The following BAALC variants were observed in gnomAD, a reference collection of about 807,000 sequenced individuals.
The protein encoded by BAALC is brain and acute leukemia cytoplasmic protein.
BAALC carries 9 observed loss-of-function variants against 15.5 expected under a neutral mutation model. The observed-to-expected ratio is 0.58, with a 90% CI of 0.35 to 1.02. The LOEUF is 1.02. BAALC is among the 50% of genes least tolerant of loss of function. The pLI, the probability that BAALC is intolerant of heterozygous loss-of-function variation, is 0.02. For synonymous variants in BAALC, 80 were observed against 74.6 expected (o/e 1.07, Z -0.37); for missense variants, 201 against 192.4 (o/e 1.04, Z -0.27).
chr8:103,189,934 CAGCTGGAGGTT>C (rs1392010770), intron 1 of BAALC, among the ~76,000 whole-genome samples: 2 of 152,130 alleles, frequency 1.3e-5, no homozygotes, highest in Non-Finnish European at 2.9e-5. Flanking sequence ...TCAAGGAGGC[CAGCTGGAGGTT>C]ACTGCAGTAA....
chr8:103,219,407 C>T (rs1481487270), intron 2 of BAALC: 1 of 152,472 alleles, frequency 6.6e-6, no homozygotes, highest in Non-Finnish European at 1.5e-5. Context: ...CATCCCAGCT[C>T]TGCACCACTA....
chr8:103,174,794 C>A (rs139098491), intron 1 of BAALC, among the ~76,000 whole-genome samples: 1 of 152,346 alleles, frequency 6.6e-6, no homozygotes, highest in African/African-American at 2.4e-5. Context: ...CCACATCTAG[C>A]TGCAAGGGAA....
Position 103,151,175 on chromosome 8 carries a change from G to A in BAALC, c.160+10118G>A, listed in dbSNP as rs535487863. On this transcript the variant is annotated intron_variant, in intron 1 of 2. Coordinates refer to ENST00000309982, the MANE Select transcript of BAALC (RefSeq NM_024812.3). The stretch of plus-strand genomic sequence containing the variant: ...TGGGACTTCAGGCACCTGCCACCAC[G>A]CCCGGCTAATTTTTTGTATTTTTAG... 3.9e-5 allele frequency among the ~76,000 whole-genome samples: 6 copies of A among 151,996 alleles called. No individual in the cohort carries two copies. The South Asian group carries it at 8.3e-4, about 21-fold the overall frequency.
intron 2 of BAALC, chr8:103,213,321 A>G: frequency 2.2e-6 from 1 of 445,298 alleles, no homozygotes. Context: ...AGCTTTATTC[A>G]AGGATCTTGT....
At position 103,201,856 on chromosome 8, in the gene BAALC, CAAAGG is replaced by C. The variant is rs1405908959; in HGVS notation, c.161-11058_161-11054del. 5.3e-5 allele frequency among the ~76,000 whole-genome samples: 8 copies of C among 152,062 alleles called. No homozygotes were observed. The East Asian group carries it at 1.2e-3, about 22-fold the overall frequency. On this transcript the variant is annotated intron_variant, in intron 1 of 2. Transcript: ENST00000309982. ...AATTAGCTGATTGAAAGACAAGTGA[CAAAGG>C]AAAGAATAAATCATCTGTGATGAGG...
intron 1 of BAALC, among the ~76,000 whole-genome samples, chr8:103,142,086 A>C (rs1481806462): frequency 6.6e-6 from 1 of 152,228 alleles, no homozygotes; most frequent in Non-Finnish European, 1.5e-5. Flanking sequence ...TATTATTGGC[A>C]TTTTTGAATA....
chr8:103,170,558 T>G (rs1260616814), intron 1 of BAALC, among the ~76,000 whole-genome samples: 1 of 152,110 alleles, frequency 6.6e-6, no homozygotes, highest in Non-Finnish European at 1.5e-5. Context: ...GTGATGCATC[T>G]ACAAACCAAG....
chr8:103,206,006 C>A (rs1812319455), intron 1 of BAALC, among the ~76,000 whole-genome samples: 1 of 152,118 alleles, frequency 6.6e-6, no homozygotes, highest in Non-Finnish European at 1.5e-5. Flanking sequence ...ATAGGGTTGC[C>A]AGATAAAATT....
intron 2 of BAALC, among the ~76,000 whole-genome samples, chr8:103,218,879 TAGG>T (rs1254428096): frequency 6.6e-6 from 1 of 152,030 alleles, no homozygotes; most frequent in East Asian, 1.9e-4. Flanking sequence ...TCCACAGAGA[TAGG>T]AGACCTGATC....
chr8:103,220,788 ACT>A (rs1400296520), intron 2 of BAALC, among the ~76,000 whole-genome samples: 1 of 152,120 alleles, frequency 6.6e-6, no homozygotes, highest in Non-Finnish European at 1.5e-5. Context: ...GCCCTTCTCT[ACT>A]CTTTGAATTT....
At chr8:103,214,679 T>A (rs1812520257) in intron 2 of BAALC, among the ~76,000 whole-genome samples, 1 of 152,198 alleles carries the variant, frequency 6.6e-6, no homozygotes, top group African/African-American at 2.4e-5. Context: ...ACGTTCATTA[T>A]CCACACAATG....
rs751598016 is a variant in BAALC, at chr8:103,140,999, C to A, written c.102C>A (p.Asp34Glu). The A allele has an allele frequency of 6.5e-6, 10 of 1,528,664 alleles. No individual in the cohort carries two copies. In the African/African-American group the frequency reaches 1.4e-4, roughly 22 times the overall value. The allele number at this position is 1,528,664 out of a possible 1,614,324, so 94.7% of individuals were successfully genotyped here. A position where few individuals can be genotyped will look rare whatever the true frequency, so the allele number is the denominator to read the frequency against. ...CCTGGCTCACCTACACCGACTCGGA[C>A]GCGCCGCCCAGCGCCGCCGCCCCGG... ...ESTWLTYTDS[D>E]APPSAAAPDS... Residue 34 changes from aspartate to glutamate, a missense_variant, in exon 1 of 3, where the codon GAC (aspartate) becomes GAA (glutamate). Physicochemically the swap from Asp to Glu is conservative, Grantham distance 45. Transcript: ENST00000309982. This position sits in a 1 kb window ranked among gnomAD's most constrained non-coding sequence, Gnocchi z 4.2.
chr8:103,175,236 G>A (rs1811582203), intron 1 of BAALC, among the ~76,000 whole-genome samples: 1 of 152,088 alleles, frequency 6.6e-6, no homozygotes, highest in African/African-American at 2.4e-5. Flanking sequence ...ACAACCCCAA[G>A]TTTACTTACT....
chr8:103,197,528 C>T (rs1354656521), intron 1 of BAALC, among the ~76,000 whole-genome samples: 1 of 152,174 alleles, frequency 6.6e-6, no homozygotes, highest in Non-Finnish European at 1.5e-5. Flanking sequence ...TATTTCATTT[C>T]ATTTCTACTT....
At chr8:103,162,595 G>A (rs1811250839) in intron 1 of BAALC, among the ~76,000 whole-genome samples, 1 of 152,116 alleles carries the variant, frequency 6.6e-6, no homozygotes. Flanking sequence ...GGTAGAAGCT[G>A]CATTGCCTTT....
intron 1 of BAALC, among the ~76,000 whole-genome samples, chr8:103,209,955 T>C (rs773636255): frequency 3.3e-5 from 5 of 152,204 alleles, no homozygotes; most frequent in Non-Finnish European, 7.3e-5. Context: ...GACCCTGGAA[T>C]CCAGTCTGAA....
At chr8:103,219,768 A>T (rs939679603) in intron 2 of BAALC, among the ~76,000 whole-genome samples, 2 of 152,208 alleles carry the variant, frequency 1.3e-5, no homozygotes, top group African/African-American at 4.8e-5. Flanking sequence ...CAGCAAATAC[A>T]TTCACAGAAT....
intron 1 of BAALC, among the ~76,000 whole-genome samples, chr8:103,175,723 A>C (rs1177037874): frequency 6.6e-6 from 1 of 152,232 alleles, no homozygotes; most frequent in Non-Finnish European, 1.5e-5. Context: ...GGGCAGTCTC[A>C]CTGGAGCAAA....
chr8:103,164,183 G>T (rs916422397), intron 1 of BAALC, among the ~76,000 whole-genome samples: 2 of 152,118 alleles, frequency 1.3e-5, no homozygotes, highest in African/African-American at 4.8e-5. Context: ...GCTCCAGGAG[G>T]GGCCCCCAGT....
Sources: allele counts gnomAD v4.1 joint callset (sites outside exome capture counted in the v4.1 genomes callset), GRCh38; gene constraint gnomAD v4.1.1; non-coding constraint Gnocchi (gnomAD v3.1); transcripts MANE v1.5; gene names NCBI Gene and HGNC (gene_info 2026-07-23, HGNC 2026-07-21).